Variants in ZNF485 observed in about 807,000 individuals in gnomAD.
ZNF485 encodes the protein zinc finger protein 485, also known as Zinc finger protein 93 (Zinc finger protein HTF34).
Under a neutral mutation model 10.8 loss-of-function variants are expected in ZNF485, and 9 were observed. The ratio of observed to expected loss-of-function variants is 0.83; its 90% CI spans 0.50 to 1.45. The LOEUF (loss-of-function observed/expected upper bound fraction) is 1.45, where lower values mean the gene tolerates loss of function less well. ZNF485 is among the 40% of genes most tolerant of loss of function. ZNF485 has a pLI of 0.00. For synonymous variants in ZNF485, 187 were observed against 181.0 expected, an observed-to-expected ratio of 1.03 and a Z score of -0.27; for missense variants, 487 against 528.0, an observed-to-expected ratio of 0.92 and a Z score of 0.76.
At chr10:43,608,578 G>A (rs1838700646) in intron 2 of ZNF485, 36 bp from the exon 3 acceptor site, 1 of 1,583,912 alleles carries the variant, frequency 6.3e-7, no homozygotes, top group East Asian at 2.3e-5. Flanking sequence ...TCCCTCAGGG[G>A]TTCCCGGATG....
intron 4 of ZNF485, among the ~76,000 whole-genome samples, chr10:43,611,609 T>G (rs2132349593): frequency 6.6e-6 from 1 of 152,328 alleles, no homozygotes; most frequent in Admixed American, 6.5e-5. Flanking sequence ...AGATAATACA[T>G]GTTTATACTC....
rs1838707867 is a variant in ZNF485 at position 43,608,733 on chromosome 10, G to T, written c.144G>T (p.Val48=). The stretch of plus-strand genomic sequence containing the variant: ...TGCTGGAGAACTATGGGAATCTGGT[G>T]TCTGTGGGTGAGGATGGCTTTCTCC... ...DVMLENYGNL[V]SVGLLSSKPK... is the part of the protein sequence containing the mutation. Residue 48 remains valine, a synonymous_variant, in exon 3 of 5, where the codon GTG becomes GTT. Transcript: ENST00000361807. 6.2e-7 allele frequency: 1 copy of T among 1,613,806 alleles called. No homozygotes were observed. Among genetic ancestry groups the T allele is most frequent in the African/African-American group, 1.3e-5 (1 of 74,912 alleles).
Position 43,617,218 on chromosome 10 carries a change from G to A in ZNF485, c.1175G>A (p.Arg392Gln), listed in dbSNP as rs374681997. ...TGTAAGAAATGTGGGAAAGCCTTTC[G>A]GCACAGCTCAGGCCTTGTTGAACAT... ...YHCKKCGKAFRHSSGLVEHQR... is the reference protein window; with the variant it reads ...YHCKKCGKAFQHSSGLVEHQR... Residue 392 changes from arginine to glutamine, a missense_variant, in exon 5 of 5, where the codon CGG (arginine) becomes CAG (glutamine). Arg to Gln is a conservative substitution (Grantham distance 43). Coordinates refer to ENST00000361807, the MANE Select transcript of ZNF485 (RefSeq NM_145312.4). 8 of 1,614,038 alleles carry A rather than the reference G, an allele frequency of 5.0e-6. No individual in the cohort carries two copies. Among genetic ancestry groups the A allele is most frequent in the South Asian group, 2.2e-5 (2 of 91,084 alleles).
rs118141119 is a variant in ZNF485, at chr10:43,613,618, T to C, written c.248-2673T>C. Among the ~76,000 whole-genome samples the C allele has an allele frequency of 7.3e-4, 112 of 152,394 alleles. No individual in the cohort carries two copies. In the Middle Eastern group the frequency reaches 0.01, roughly 14 times the overall value. The stretch of plus-strand genomic sequence containing the variant: ...AGTTTCTCTCTTACATTCAGATGCA[T>C]ATATGGCATTTTCCAGCTTTTGGCT... On this transcript the variant is annotated intron_variant, in intron 4 of 4. Coordinates refer to ENST00000361807, the MANE Select transcript of ZNF485 (RefSeq NM_145312.4).
Position 43,616,998 on chromosome 10 carries a change from ATGCATAC to A in ZNF485, c.958_964del (p.His320GlyfsTer117). ...CTCAACTCTTATTAGTCACCAAAGAATGCATACTGGGGAGAAACCCTATCACTGCAGT... is the reference window on the plus strand; with the variant it reads ...CTCAACTCTTATTAGTCACCAAAGAATGGGGAGAAACCCTATCACTGCAGT... On this transcript the variant is annotated frameshift_variant, in exon 5 of 5. Transcript: ENST00000361807. LOFTEE classifies it low-confidence loss of function (END_TRUNC). 6.2e-7 allele frequency: 1 copy of A among 1,614,182 alleles called. No individual in the cohort carries two copies. Among genetic ancestry groups the A allele is most frequent in the Admixed American group, 1.7e-5 (1 of 60,034 alleles).
At position 43,606,463 on chromosome 10, in the gene ZNF485, T is replaced by C. The variant is rs947412827; in HGVS notation, c.-138T>C. ...GTGGTGCGAGCGCTGCACCAGCCCC[T>C]GGCTGGTGGTTACTGTCCGAACGGC... On this transcript the variant is annotated 5_prime_UTR_variant, in exon 1 of 5. Coordinates refer to ENST00000361807, the MANE Select transcript of ZNF485 (RefSeq NM_145312.4). 3 of 403,844 alleles carry C rather than the reference T, an allele frequency of 7.4e-6. No homozygotes were observed. Among genetic ancestry groups the C allele is most frequent in the South Asian group, 2.2e-5 (1 of 46,230 alleles). 25.0% of individuals were successfully genotyped at this position (403,844 alleles called of 1,614,324 possible).
rs1313538255 is a variant in ZNF485, at chr10:43,616,578, G to C, written c.535G>C (p.Val179Leu). Residue 179 changes from valine (V) to leucine (L), a missense_variant, in exon 5 of 5, where the codon GTT (valine) becomes CTT (leucine). Val to Leu is a conservative substitution (Grantham distance 32). Coordinates refer to ENST00000361807, the MANE Select transcript of ZNF485 (RefSeq NM_145312.4). ...NSSSLLNHHKVHAGKQPYRCI... is the reference protein window; with the variant it reads ...NSSSLLNHHKLHAGKQPYRCI... ...TTCATCCCTTTTAAATCACCATAAG[G>C]TTCATGCAGGCAAACAGCCTTATAG... 6.2e-7 allele frequency: 1 copy of C among 1,614,076 alleles called. No homozygotes were observed. Among genetic ancestry groups the C allele is most frequent in the Admixed American group, 1.7e-5 (1 of 60,008 alleles).
At chr10:43,609,735 G>A (rs1407723966) in intron 4 of ZNF485, among the ~76,000 whole-genome samples, 1 of 152,052 alleles carries the variant, frequency 6.6e-6, no homozygotes, top group African/African-American at 2.4e-5. Context: ...AGGCTGGAGT[G>A]TAATTGTAGC....
Position 43,617,051 on chromosome 10 carries a change from G to C in ZNF485, c.1008G>C (p.Arg336Ser). ...GCAGTAAATGTGGAAAATCTTTCAG[G>C]TATAGCTCATCCTTTGCTGGTCATC... The part of the protein sequence containing the change: ...YHCSKCGKSF[R>S]YSSSFAGHQK... The change falls in exon 5 of 5, where the codon AGG becomes AGC. Residue 336 changes from arginine (R) to serine (S), a missense_variant. Transcript: ENST00000361807. 6.2e-7 allele frequency: 1 copy of C among 1,614,172 alleles called. No individual in the cohort carries two copies. The highest frequency in any genetic ancestry group is 8.5e-7 in the Non-Finnish European group (1 of 1,180,042).
intron 4 of ZNF485, among the ~76,000 whole-genome samples, chr10:43,613,560 G>C (rs2132351463): frequency 6.6e-6 from 1 of 152,334 alleles, no homozygotes; most frequent in Middle Eastern, 3.4e-3. Flanking sequence ...GAAAATCACT[G>C]TTCTAGAGTG....
chr10:43,609,983 G>A (rs1397314692), intron 4 of ZNF485, among the ~76,000 whole-genome samples: 2 of 152,122 alleles, frequency 1.3e-5, no homozygotes, highest in Non-Finnish European at 2.9e-5. Context: ...ACCACGTCTG[G>A]CCCATGTTCA....
Position 43,617,347 on chromosome 10 carries a change from A to G in ZNF485, c.1304A>G (p.Glu435Gly). The G allele has an allele frequency of 6.4e-7, 1 of 1,558,838 alleles. No individual in the cohort carries two copies. Among genetic ancestry groups the G allele is most frequent in the Non-Finnish European group, 8.6e-7 (1 of 1,157,450 alleles). The change falls in exon 5 of 5, where the codon GAA becomes GGA. Residue 435 changes from glutamate to glycine, a missense_variant. Physicochemically the swap from Glu to Gly is moderately conservative, Grantham distance 98 (BLOSUM62 -2). Coordinates refer to ENST00000361807, the MANE Select transcript of ZNF485 (RefSeq NM_145312.4). ...LKQHKKIHNK[E>G]RAMKCS ...CAACATAAGAAAATTCATAATAAAG[A>G]AAGAGCCATGAAATGTAGTTAGTGT...
chr10:43,617,835 C>CA lies in ZNF485; in HGVS notation c.*468dup, dbSNP rs1183640667. ...ACCCAATATACCCTTGTTAAAGAAG[C>CA]AAGTTTCAGGAAATCTATATTATAT... is the stretch of plus-strand genomic sequence containing the variant. On this transcript the variant is annotated 3_prime_UTR_variant, in exon 5 of 5. Transcript: ENST00000361807. The CA allele has an allele frequency of 6.6e-6, 1 of 152,578 alleles. No homozygotes were observed. Among genetic ancestry groups the CA allele is most frequent in the Non-Finnish European group, 1.5e-5 (1 of 68,498 alleles). 9.5% of individuals were successfully genotyped at this position (152,578 alleles called of 1,614,324 possible). A position where few individuals can be genotyped will look rare whatever the true frequency, so the allele number is the denominator to read the frequency against.
At position 43,606,985 on chromosome 10, in the gene ZNF485, CTTCTT is replaced by C; in HGVS notation, c.-54-10_-54-6del. 6.5e-7 allele frequency: 1 copy of C among 1,547,062 alleles called. No individual in the cohort carries two copies. The highest frequency in any genetic ancestry group is 8.8e-7 in the Non-Finnish European group (1 of 1,142,726). On this transcript the variant is annotated splice_polypyrimidine_tract_variant and splice_region_variant and intron_variant, in intron 1 of 4. Transcript: ENST00000361807. Reference sequence around the variant, plus strand: ...CGGAGGGACTTCCTCAATTTCCTCTCTTCTTTCCCAGATTGACTTACGCAGGATTC... The same window carrying C: ...CGGAGGGACTTCCTCAATTTCCTCTCTCCCAGATTGACTTACGCAGGATTC...
chr10:43,609,146 C>G (rs1465405430), intron 3 of ZNF485, 109 bp from the exon 4 acceptor site: 1 of 823,506 alleles, frequency 1.2e-6, no homozygotes. Flanking sequence ...TGCAGATGCT[C>G]AAGTTGACAC....
rs1838655930 is a variant in ZNF485, at chr10:43,606,800, G to T, written c.-54-197G>T. 2.0e-5 allele frequency among the ~76,000 whole-genome samples: 3 copies of T among 152,232 alleles called. 1 individual carries two copies. The South Asian group carries it at 6.2e-4, about 31-fold the overall frequency. On this transcript the variant is annotated intron_variant, in intron 1 of 4. Coordinates refer to ENST00000361807, the MANE Select transcript of ZNF485 (RefSeq NM_145312.4). ...AGGCCGTCCCCCGGTGCTGCCAAAAGTGTTTGGCGTGGAGCTGGCTGCAGT... is the reference window on the plus strand; with the variant it reads ...AGGCCGTCCCCCGGTGCTGCCAAAATTGTTTGGCGTGGAGCTGGCTGCAGT...
Position 43,606,477 on chromosome 10 carries a change from T to G in ZNF485, c.-124T>G. ...GCACCAGCCCCTGGCTGGTGGTTAC[T>G]GTCCGAACGGCGTGGTGTGGTCGCT... On this transcript the variant is annotated 5_prime_UTR_variant, in exon 1 of 5. Coordinates refer to ENST00000361807, the MANE Select transcript of ZNF485 (RefSeq NM_145312.4). 2.6e-6 allele frequency: 1 copy of G among 392,032 alleles called. No individual in the cohort carries two copies. The highest frequency in any genetic ancestry group is 4.8e-6 in the Non-Finnish European group (1 of 208,732). 24.3% of individuals were successfully genotyped at this position (392,032 alleles called of 1,614,324 possible).
rs762048012 is a variant in ZNF485 at position 43,617,135 on chromosome 10, A to G, written c.1092A>G (p.Thr364=). The stretch of plus-strand genomic sequence containing the variant: ...GTCGTGACTGTGGGAAGGCCTTTAC[A>G]AAGAGCTCAACCCTTACTGGACATC... ...YQCRDCGKAF[T]KSSTLTGHQR... is the part of the protein sequence containing the mutation. The change falls in exon 5 of 5, where the codon ACA becomes ACG. Residue 364 remains threonine (T), a synonymous_variant. Transcript: ENST00000361807. The G allele has an allele frequency of 1.2e-6, 2 of 1,614,184 alleles. No individual in the cohort carries two copies. Among genetic ancestry groups the G allele is most frequent in the Admixed American group, 1.7e-5 (1 of 60,022 alleles).
intron 4 of ZNF485, among the ~76,000 whole-genome samples, chr10:43,612,529 G>A (rs985032983): frequency 6.6e-6 from 1 of 152,136 alleles, no homozygotes; most frequent in African/African-American, 2.4e-5. Context: ...TTTTTTGACA[G>A]TGTTGTCAAT....
Sources: allele counts gnomAD v4.1 joint callset (sites outside exome capture counted in the v4.1 genomes callset), GRCh38; gene constraint gnomAD v4.1.1; transcripts MANE v1.5; gene names NCBI Gene and HGNC (gene_info 2026-07-23, HGNC 2026-07-21).